Variants in RUNX3 observed in about 807,000 individuals in gnomAD.
The protein encoded by RUNX3 is RUNX family transcription factor 3.
Under a neutral mutation model 27.7 loss-of-function variants are expected in RUNX3, and 10 were observed. The ratio of observed to expected loss-of-function variants is 0.36; its 90% CI spans 0.22 to 0.61. RUNX3 has a LOEUF of 0.61. Among genes scored for constraint, RUNX3 ranks in the 20% least tolerant of loss-of-function variants. The pLI is 0.72. For missense variants in RUNX3, 469 were observed against 629.5 expected, an observed-to-expected ratio of 0.75 and a Z score of 2.73; for synonymous variants, 270 against 269.2, an observed-to-expected ratio of 1.00 and a Z score of -0.03.
At chr1:24,925,457 G>T (rs546970255) in intron 2 of RUNX3, among the ~76,000 whole-genome samples, 1 of 152,296 alleles carries the variant, frequency 6.6e-6, no homozygotes, top group East Asian at 1.9e-4. Flanking sequence ...TGCGCCAGCT[G>T]ATACACTTGT....
Position 24,913,301 on chromosome 1 carries a change from G to A in RUNX3, c.545-5884C>T, listed in dbSNP as rs113134356. ...TTAGTGTCTATGACCCTCACTTATG[G>A]GAGGGCAGATCCCAGCCTGCCCCTC... On this transcript the variant is annotated intron_variant, in intron 3 of 4. Coordinates refer to ENST00000308873, the MANE Select transcript of RUNX3 (RefSeq NM_004350.3). Among the ~76,000 whole-genome samples the A allele has an allele frequency of 1.7e-3, 257 of 152,280 alleles. 2 individuals carry two copies. The highest frequency in any genetic ancestry group is 6.0e-3 in the African/African-American group (251 of 41,558).
intron 3 of RUNX3, among the ~76,000 whole-genome samples, chr1:24,912,894 GC>G (rs1222743904): frequency 6.6e-6 from 1 of 152,114 alleles, no homozygotes; most frequent in African/African-American, 2.4e-5. Flanking sequence ...GCCCCGTCCA[GC>G]CCCAGGCCCA....
At chr1:24,924,030 G>C (rs570552906) in intron 2 of RUNX3, among the ~76,000 whole-genome samples, 33 of 128,282 alleles carry the variant, frequency 2.6e-4, no homozygotes, top group African/African-American at 8.9e-4. Context: ...GCTGCCCAGG[G>C]TGGTGAAGAT....
rs1024219134 is a variant in RUNX3 at position 24,929,992 on chromosome 1, G to C, written c.-124C>G. 10 of 1,164,504 alleles carry C rather than the reference G, an allele frequency of 8.6e-6. No homozygotes were observed. The Admixed American group carries it at 1.9e-4, about 22-fold the overall frequency. The allele number at this position is 1,164,504 out of a possible 1,614,324, so 72.1% of individuals were successfully genotyped here. A position where few individuals can be genotyped will look rare whatever the true frequency, so the allele number is the denominator to read the frequency against. On this transcript the variant is annotated 5_prime_UTR_variant, in exon 1 of 5. Transcript: ENST00000308873. The stretch of plus-strand genomic sequence containing the variant: ...CGGGAAAGCAGAAGCGGCGGGGCCC[G>C]GGCCTCAGGGCGCAGGGGGCGGCGC...
chr1:24,936,106 G>A (rs1427732777), intron 2 of RUNX3, among the ~76,000 whole-genome samples: 1 of 152,220 alleles, frequency 6.6e-6, no homozygotes, highest in African/African-American at 2.4e-5. Flanking sequence ...AGAGAGACCT[G>A]GGCAGCTTGG....
intron 3 of RUNX3, among the ~76,000 whole-genome samples, chr1:24,915,791 G>A (rs1052968176): frequency 5.3e-5 from 8 of 152,114 alleles, no homozygotes; most frequent in Non-Finnish European, 4.4e-5. Flanking sequence ...AGGGGGTAAC[G>A]GGCACAGGCT....
At chr1:24,937,562 ATGGCAAGGAAGCCTAGACT>A (rs1472802671) in intron 2 of RUNX3, among the ~76,000 whole-genome samples, 1 of 152,232 alleles carries the variant, frequency 6.6e-6, no homozygotes, top group Non-Finnish European at 1.5e-5. Flanking sequence ...AGGCTTCCAT[ATGGCAAGGAAGCCTAGACT>A]TGAACTCAGG....
chr1:24,925,542 T>C (rs1448646833), intron 2 of RUNX3, among the ~76,000 whole-genome samples: 1 of 152,210 alleles, frequency 6.6e-6, no homozygotes, highest in African/African-American at 2.4e-5. Flanking sequence ...ATGAGGAAAC[T>C]GAGGCACAGA....
intron 3 of RUNX3, among the ~76,000 whole-genome samples, chr1:24,918,835 G>T (rs1210609111): frequency 2.0e-5 from 3 of 152,176 alleles, no homozygotes; most frequent in Non-Finnish European, 4.4e-5. Context: ...AGCCAGACCA[G>T]CCCCTGACTT....
rs766288587 is a variant in RUNX3 at position 24,927,746 on chromosome 1, G to A, written c.283-16C>T. The A allele has an allele frequency of 1.8e-5, 29 of 1,612,808 alleles. No homozygotes were observed. Among genetic ancestry groups the A allele is most frequent in the East Asian group, 4.5e-5 (2 of 44,878 alleles). ...ATGCCACCACCTGAAGACACGGGGC[G>A]GGGGGATGCAGGGGGACAGCTTAGA... On this transcript the variant is annotated splice_polypyrimidine_tract_variant and intron_variant, in intron 1 of 4. Transcript: ENST00000308873. The surrounding 1 kb of genome is among the most constrained non-coding windows in gnomAD (Gnocchi z 5.0).
intron 2 of RUNX3, among the ~76,000 whole-genome samples, chr1:24,948,374 T>G (rs1208878545): frequency 2.0e-5 from 3 of 152,040 alleles, no homozygotes; most frequent in African/African-American, 7.2e-5. Flanking sequence ...CACATGCACA[T>G]GGTGGGGGTG....
At chr1:24,946,028 T>G (rs996677815) in intron 2 of RUNX3, among the ~76,000 whole-genome samples, 5 of 151,778 alleles carry the variant, frequency 3.3e-5, no homozygotes, top group Non-Finnish European at 7.4e-5. Context: ...TTTAGGGGGG[T>G]TCCCAGAAGC....
intron 3 of RUNX3, among the ~76,000 whole-genome samples, chr1:24,918,814 C>G (rs1276492907): frequency 2.0e-5 from 3 of 152,218 alleles, no homozygotes; most frequent in Non-Finnish European, 2.9e-5. Flanking sequence ...AAGGAAGAGG[C>G]CTGGCCTCAC....
Position 24,927,072 on chromosome 1 carries a change from C to T in RUNX3, c.439+502G>A, listed in dbSNP as rs951840613. The stretch of plus-strand genomic sequence containing the variant: ...CTGCGTTAGCTTCCGTTCTAGACCA[C>T]CTAGGGCTCAAAGGCGCTGGGAAAC... On this transcript the variant is annotated intron_variant, in intron 2 of 4. Transcript: ENST00000308873. This position sits in a 1 kb window ranked among gnomAD's most constrained non-coding sequence, Gnocchi z 5.0. Among the ~76,000 whole-genome samples the T allele has an allele frequency of 1.3e-5, 2 of 152,206 alleles. No homozygotes were observed. Among genetic ancestry groups the T allele is most frequent in the African/African-American group, 4.8e-5 (2 of 41,438 alleles).
At position 24,916,152 on chromosome 1, in the gene RUNX3, G is replaced by A. The variant is rs1002890978; in HGVS notation, c.544+3088C>T. On this transcript the variant is annotated intron_variant, in intron 3 of 4. Coordinates refer to ENST00000308873, the MANE Select transcript of RUNX3 (RefSeq NM_004350.3). The surrounding 1 kb of genome is among the most constrained non-coding windows in gnomAD (Gnocchi z 4.8). ...CCCTACTCCCACTTCACCCCACAGC[G>A]GGCTCAGATTTCAGAGGGTCGGAGG... is the stretch of plus-strand genomic sequence containing the variant. Among the ~76,000 whole-genome samples, 6 of 152,152 alleles carry A rather than the reference G, an allele frequency of 3.9e-5. No individual in the cohort carries two copies. The highest frequency in any genetic ancestry group is 1.9e-4 in the East Asian group (1 of 5,198).
upstream of RUNX3, chr1:24,930,379 G>T: frequency 3.2e-6 from 1 of 315,362 alleles, no homozygotes; most frequent in Non-Finnish European, 4.6e-6. The surrounding 1 kb of genome is among the most constrained non-coding windows in gnomAD (Gnocchi z 4.1). Context: ...CCCATCGCGG[G>T]CACCTCGGTG....
At chr1:24,938,121 C>T (rs1641390900) in intron 2 of RUNX3, among the ~76,000 whole-genome samples, 1 of 152,206 alleles carries the variant, frequency 6.6e-6, no homozygotes, top group African/African-American at 2.4e-5. Context: ...TGTCCTATAA[C>T]CAGGCCTGGG....
chr1:24,949,669 G>A (rs552135851), intron 2 of RUNX3, among the ~76,000 whole-genome samples: 55 of 152,364 alleles, frequency 3.6e-4, no homozygotes, highest in African/African-American at 1.2e-3. Context: ...CGTGATGTGT[G>A]TGAAAGCCAA....
At position 24,953,866 on chromosome 1, in the gene RUNX3, C is replaced by G. The variant is rs568331697; in HGVS notation, c.58+10648G>C. On this transcript the variant is annotated intron_variant, in intron 2 of 6. Transcript: ENST00000338888. ...AGTCCTAAATTTGAATGCTTCTGGT[C>G]CCAGCCATCTTGGGTAAGGGATGTT... Among the ~76,000 whole-genome samples, 18 of 152,258 alleles carry G rather than the reference C, an allele frequency of 1.2e-4. No homozygotes were observed. The South Asian group carries it at 1.7e-3, about 14-fold the overall frequency.
Sources: allele counts gnomAD v4.1 joint callset (sites outside exome capture counted in the v4.1 genomes callset), GRCh38; gene constraint gnomAD v4.1.1; non-coding constraint Gnocchi (gnomAD v3.1); transcripts MANE v1.5; gene names NCBI Gene and HGNC (gene_info 2026-07-23, HGNC 2026-07-21).